APLP2: variants seen among roughly 807,000 people sequenced by gnomAD.
APLP2 encodes the protein CDEI box-binding protein.
APLP2 carries 53 observed loss-of-function variants against 89.9 expected under a neutral mutation model. The observed-to-expected ratio is 0.59, with a 90% confidence interval of 0.47 to 0.74. The LOEUF (loss-of-function observed/expected upper bound fraction) is 0.74. APLP2 is among the 30% of genes least tolerant of loss of function. The pLI is 0.00. For synonymous variants in APLP2, 372 were observed against 348.6 expected (o/e 1.07, Z -0.75); for missense variants, 973 against 975.9 (o/e 1.00, Z 0.04).
chr11:130,122,558 A>G, intron 6 of APLP2, 45 bp downstream of exon 6: 1 of 1,611,514 alleles, frequency 6.2e-7, no homozygotes. Context: ...TGTGGTAATT[A>G]TTCACTTAGA....
intron 13 of APLP2, among the ~76,000 whole-genome samples, chr11:130,137,947 ATGAGT>A (rs750196963): frequency 2.2e-4 from 33 of 152,306 alleles, no homozygotes; most frequent in Non-Finnish European, 4.4e-4. Flanking sequence ...TCCCTGTAGG[ATGAGT>A]AGTGTTTTTA....
chr11:130,115,199 T>C (rs1591815533), intron 3 of APLP2, among the ~76,000 whole-genome samples: 1 of 151,868 alleles, frequency 6.6e-6, no homozygotes, highest in Non-Finnish European at 1.5e-5. Flanking sequence ...TTGTAGTATA[T>C]TTATTATTAT....
At chr11:130,118,986 A>G (rs1235981013) in intron 3 of APLP2, among the ~76,000 whole-genome samples, 2 of 152,142 alleles carry the variant, frequency 1.3e-5, no homozygotes, top group Admixed American at 1.3e-4. Flanking sequence ...CCCTACTTAC[A>G]CATCAGCAAC....
chr11:130,073,980 T>C (rs1308369811), intron 1 of APLP2, among the ~76,000 whole-genome samples: 1 of 152,204 alleles, frequency 6.6e-6, no homozygotes, highest in Non-Finnish European at 1.5e-5. Flanking sequence ...TGCCAAATTA[T>C]TTGAGAGTAA....
At position 130,141,876 on chromosome 11, in the gene APLP2, G is replaced by T; in HGVS notation, c.1999-43G>T. 1 of 1,571,042 alleles carries T rather than the reference G, an allele frequency of 6.4e-7. No homozygotes were observed. Among genetic ancestry groups the T allele is most frequent in the Non-Finnish European group, 8.7e-7 (1 of 1,151,336 alleles). ...TGAGTTACTTGCCTCACGGCTGCCA[G>T]ATGGTCACTGGGACTTTTTTCCACG... On this transcript the variant is annotated intron_variant, in intron 15 of 16. Transcript: ENST00000338167. The surrounding 1 kb of genome is among the most constrained non-coding windows in gnomAD (Gnocchi z 4.2).
At chr11:130,117,429 T>C (rs768050454) in intron 3 of APLP2, among the ~76,000 whole-genome samples, 1 of 152,134 alleles carries the variant, frequency 6.6e-6, no homozygotes, top group South Asian at 2.1e-4. Flanking sequence ...TGTTCTGTCA[T>C]GTTTGCTTCA....
chr11:130,087,918 T>G (rs1455220985), intron 1 of APLP2, among the ~76,000 whole-genome samples: 1 of 152,234 alleles, frequency 6.6e-6, no homozygotes, highest in Non-Finnish European at 1.5e-5. Flanking sequence ...TTGGTTAGTG[T>G]TGTTTTTAAA....
Position 130,141,378 on chromosome 11 carries a change from G to T in APLP2, c.1924-120G>T. ...TGTGACAGAACTGGTTGGTTAATGG[G>T]GGTCCCACAGGTACCTGCTTCCTTC... On this transcript the variant is annotated intron_variant, in intron 14 of 16. Coordinates refer to ENST00000338167, the MANE Select transcript of APLP2 (RefSeq NM_001142276.2). The surrounding 1 kb of genome is among the most constrained non-coding windows in gnomAD (Gnocchi z 4.2). 1.3e-6 allele frequency: 1 copy of T among 783,394 alleles called. No homozygotes were observed. The highest frequency in any genetic ancestry group is 2.2e-6 in the Non-Finnish European group (1 of 463,272). 48.5% of individuals were successfully genotyped at this position (783,394 alleles called of 1,614,324 possible).
At chr11:130,094,694 A>G (rs1945952952) in intron 1 of APLP2, among the ~76,000 whole-genome samples, 1 of 152,188 alleles carries the variant, frequency 6.6e-6, no homozygotes, top group African/African-American at 2.4e-5. Context: ...TCATGTTTGA[A>G]TTTTCCATTC....
rs577948506 is a variant in APLP2, at chr11:130,082,174, A to C, written c.105+12092A>C. Among the ~76,000 whole-genome samples the C allele has an allele frequency of 1.7e-3, 257 of 149,792 alleles. 2 individuals carry two copies. The highest frequency in any genetic ancestry group is 6.1e-3 in the African/African-American group (245 of 40,138). On this transcript the variant is annotated intron_variant, in intron 1 of 16. Coordinates refer to ENST00000338167, the MANE Select transcript of APLP2 (RefSeq NM_001142276.2). The stretch of plus-strand genomic sequence containing the variant: ...AGCCTTTTAATTTTTATTACTCAAA[A>C]CTTCATTTTTTTTTTTGTTTGTTTC...
Position 130,115,465 on chromosome 11 carries a change from G to A in APLP2, c.403+4804G>A, listed in dbSNP as rs530679581. 2.6e-5 allele frequency among the ~76,000 whole-genome samples: 4 copies of A among 152,022 alleles called. No homozygotes were observed. The East Asian group carries it at 7.7e-4, about 29-fold the overall frequency. ...GCTGCCATAGCACTGCTGGAGAGAA[G>A]TAGTAGGAAAGAAAAGCTGAATCAC... On this transcript the variant is annotated intron_variant, in intron 3 of 16. Coordinates refer to ENST00000338167, the MANE Select transcript of APLP2 (RefSeq NM_001142276.2).
intron 1 of APLP2, among the ~76,000 whole-genome samples, chr11:130,094,835 G>A (rs185241263): frequency 9.2e-4 from 140 of 152,306 alleles, no homozygotes; most frequent in African/African-American, 3.3e-3. Context: ...CTGTGCCGAG[G>A]CAGAGAGAGT....
intron 16 of APLP2, 59 bp from the exon 17 acceptor site, chr11:130,143,288 G>A: frequency 6.6e-7 from 1 of 1,505,896 alleles, no homozygotes; most frequent in South Asian, 1.1e-5. Context: ...AGGTCTCCCA[G>A]CACCCTGTGC....
intron 11 of APLP2, among the ~76,000 whole-genome samples, chr11:130,132,158 C>T (rs1021483187): frequency 1.3e-5 from 2 of 152,162 alleles, no homozygotes; most frequent in Non-Finnish European, 2.9e-5. Flanking sequence ...CTCCCGGTTC[C>T]TCTGGGAGGT....
chr11:130,115,578 T>C (rs901119737), intron 3 of APLP2, among the ~76,000 whole-genome samples: 1 of 152,248 alleles, frequency 6.6e-6, no homozygotes, highest in African/African-American at 2.4e-5. Flanking sequence ...CCATATTCAT[T>C]GATCAGCAAA....
Position 130,102,322 on chromosome 11 carries a change from T to C in APLP2, c.106-7107T>C, listed in dbSNP as rs539721389. Among the ~76,000 whole-genome samples, 9 of 152,228 alleles carry C rather than the reference T, an allele frequency of 5.9e-5. No individual in the cohort carries two copies. The South Asian group carries it at 1.9e-3, about 32-fold the overall frequency. On this transcript the variant is annotated intron_variant, in intron 1 of 16. Transcript: ENST00000338167. Reference sequence around the variant, plus strand: ...GTCGTACCTTTCGCTATCAGTAGTTTGCTAGTGGTAACTAGATGCCTCGAA... The same window carrying C: ...GTCGTACCTTTCGCTATCAGTAGTTCGCTAGTGGTAACTAGATGCCTCGAA...
intron 3 of APLP2, among the ~76,000 whole-genome samples, chr11:130,113,719 T>C (rs542406992): frequency 5.0e-4 from 75 of 150,062 alleles, no homozygotes; most frequent in African/African-American, 1.8e-3. Flanking sequence ...CACCACCTTT[T>C]CCCCCCATAG....
chr11:130,141,354 G>A lies in APLP2; in HGVS notation c.1924-144G>A, dbSNP rs367981550. 5.8e-5 allele frequency: 38 copies of A among 657,918 alleles called. No individual in the cohort carries two copies. The highest frequency in any genetic ancestry group is 3.3e-4 in the East Asian group (12 of 36,824). The allele number at this position is 657,918 out of a possible 1,614,324, so 40.8% of individuals were successfully genotyped here. ...GTTTGGGGAGTGGATTTGGAAGGCT[G>A]TGACAGAACTGGTTGGTTAATGGGG... On this transcript the variant is annotated intron_variant, in intron 14 of 16. Coordinates refer to ENST00000338167, the MANE Select transcript of APLP2 (RefSeq NM_001142276.2). This position sits in a 1 kb window ranked among gnomAD's most constrained non-coding sequence, Gnocchi z 4.2.
intron 1 of APLP2, among the ~76,000 whole-genome samples, chr11:130,097,546 A>T (rs1369152085): frequency 6.6e-6 from 1 of 152,084 alleles, no homozygotes; most frequent in Non-Finnish European, 1.5e-5. Context: ...ATGTTTGTTT[A>T]ATTAGCCGGG....
Sources: gnomAD v4.1 joint callset for allele counts (sites outside exome capture counted in the v4.1 genomes callset) on GRCh38, gnomAD v4.1.1 for gene constraint, Gnocchi (gnomAD v3.1) non-coding constraint, MANE v1.5 for transcripts, NCBI Gene and HGNC (gene_info 2026-07-23, HGNC 2026-07-21) for gene names.